TEK: variants seen among roughly 807,000 people sequenced by gnomAD.
TEK encodes TEK receptor tyrosine kinase, also known as angiopoietin-1 receptor.
Under a neutral mutation model 131.8 loss-of-function variants are expected in TEK, and 43 were observed. The observed-to-expected ratio is 0.33, with a 90% CI of 0.26 to 0.42. The LOEUF is 0.42. Ranked by LOEUF, TEK falls within the 10% of genes least tolerant of loss-of-function variation. The pLI is 1.00. For synonymous variants in TEK, 580 were observed against 491.6 expected (o/e 1.18, Z -2.38); for missense variants, 1,162 against 1,384.4 (o/e 0.84, Z 2.55).
At position 27,129,204 on chromosome 9, in the gene TEK, G is replaced by A. The variant is rs117035742; in HGVS notation, c.52+19562G>A. 6.2e-3 allele frequency among the ~76,000 whole-genome samples: 937 copies of A among 152,160 alleles called. 4 individuals carry two copies. The highest frequency in any genetic ancestry group is 9.6e-3 in the Non-Finnish European group (652 of 67,980). ...GCATGAAAGGGTGTTGAATTTTGTC[G>A]GAGGACTTTTCTGCATGTATTGAGA... On this transcript the variant is annotated intron_variant, in intron 1 of 22. Coordinates refer to ENST00000380036, the MANE Select transcript of TEK (RefSeq NM_000459.5).
intron 19 of TEK, 105 bp downstream of exon 19, chr9:27,217,863 A>T (rs989837589): frequency 1.0e-6 from 1 of 965,482 alleles, no homozygotes; most frequent in Non-Finnish European, 1.6e-6. Flanking sequence ...GCTCTCGGGA[A>T]CAAAGGTAAC....
chr9:27,222,532 G>A (rs992826115), intron 21 of TEK, among the ~76,000 whole-genome samples: 2 of 152,162 alleles, frequency 1.3e-5, no homozygotes, highest in Non-Finnish European at 2.9e-5. Context: ...GAAACCCTAC[G>A]AGCCAGAAGA....
intron 21 of TEK, among the ~76,000 whole-genome samples, chr9:27,226,592 GA>G (rs1055361647): frequency 1.3e-5 from 2 of 152,044 alleles, no homozygotes; most frequent in Non-Finnish European, 2.9e-5. Context: ...GGGGCTAGGG[GA>G]GGGATAGCAT....
intron 9 of TEK, 65 bp downstream of exon 9, chr9:27,185,694 C>G: frequency 6.3e-7 from 1 of 1,599,342 alleles, no homozygotes; most frequent in Non-Finnish European, 8.6e-7. Context: ...ATTGCTGCTT[C>G]TAGACAGAAA....
At chr9:27,220,014 A>G (rs1455561830) in intron 20 of TEK, 35 bp from the exon 21 acceptor site, 1 of 1,603,482 alleles carries the variant, frequency 6.2e-7, no homozygotes, top group Non-Finnish European at 8.5e-7. Context: ...TTTTCATGCC[A>G]GAGAGGACTT....
chr9:27,205,970 G>A (rs1564097266), intron 14 of TEK, among the ~76,000 whole-genome samples: 2 of 108,658 alleles, frequency 1.8e-5, no homozygotes, highest in African/African-American at 3.0e-5. Flanking sequence ...GGTTGGGAGT[G>A]CTGAGCCTGT....
At chr9:27,173,834 G>A (rs1171058598) in intron 6 of TEK, among the ~76,000 whole-genome samples, 2 of 149,132 alleles carry the variant, frequency 1.3e-5, no homozygotes, top group Non-Finnish European at 3.0e-5. Context: ...GGAGGCTGAG[G>A]CAGGAGGATC....
intron 21 of TEK, among the ~76,000 whole-genome samples, chr9:27,221,744 A>G (rs1183642310): frequency 2.0e-5 from 3 of 152,224 alleles, no homozygotes; most frequent in African/African-American, 7.2e-5. Context: ...CCTCCACACC[A>G]AAACCTCATC....
intron 1 of TEK, 128 bp from the exon 2 acceptor site, chr9:27,157,703 A>G (rs1314767723): frequency 3.5e-6 from 4 of 1,127,298 alleles, no homozygotes; most frequent in East Asian, 4.7e-5. Flanking sequence ...AGATAGGCAC[A>G]TGGTCAGAAT....
chr9:27,161,575 C>T (rs1823548921), intron 2 of TEK, among the ~76,000 whole-genome samples: 1 of 152,350 alleles, frequency 6.6e-6, no homozygotes, highest in South Asian at 2.1e-4. Context: ...TTTATTACCA[C>T]TACGCTACCC....
chr9:27,196,186 C>T (rs1825001987), intron 11 of TEK, among the ~76,000 whole-genome samples: 1 of 152,224 alleles, frequency 6.6e-6, no homozygotes, highest in Non-Finnish European at 1.5e-5. Context: ...TCCTATCCTT[C>T]ACCATTGTAG....
chr9:27,203,614 G>A (rs1825299029), intron 13 of TEK, among the ~76,000 whole-genome samples: 2 of 152,194 alleles, frequency 1.3e-5, no homozygotes, highest in South Asian at 4.1e-4. Context: ...GCTAGATAGA[G>A]ATCCTCTCTG....
At chr9:27,209,718 G>A (rs1825534128) in intron 16 of TEK, among the ~76,000 whole-genome samples, 1 of 152,228 alleles carries the variant, frequency 6.6e-6, no homozygotes. Context: ...ATGCGATAGT[G>A]CTTTGTTTTT....
chr9:27,155,673 C>T (rs949966472), intron 1 of TEK, among the ~76,000 whole-genome samples: 2 of 152,150 alleles, frequency 1.3e-5, no homozygotes, highest in African/African-American at 4.8e-5. Flanking sequence ...TAGCCTTAAA[C>T]GCTCAGCAGT....
At chr9:27,228,445 AC>A in intron 22 of TEK, 140 bp downstream of exon 22, 1 of 691,572 alleles carries the variant, frequency 1.4e-6, no homozygotes, top group South Asian at 1.6e-5. Flanking sequence ...ATGTCCCTCC[AC>A]CCCCGCGACT....
intron 1 of TEK, among the ~76,000 whole-genome samples, chr9:27,148,387 A>G (rs895502840): frequency 1.3e-5 from 2 of 152,244 alleles, no homozygotes; most frequent in South Asian, 4.1e-4. Context: ...GGCATCCAAA[A>G]CATAATGGTA....
chr9:27,144,484 C>A (rs1450744305), intron 1 of TEK, among the ~76,000 whole-genome samples: 1 of 152,154 alleles, frequency 6.6e-6, no homozygotes, highest in African/African-American at 2.4e-5. Flanking sequence ...AACGAATGCG[C>A]ATAGGCCTCC....
intron 22 of TEK, among the ~76,000 whole-genome samples, chr9:27,228,946 C>G (rs989659560): frequency 6.6e-6 from 1 of 152,126 alleles, no homozygotes; most frequent in Non-Finnish European, 1.5e-5. Context: ...ACTGAGGATA[C>G]AGTATGAAAT....
rs186813481 is a variant in TEK, at chr9:27,167,443, G to A, written c.365-1052G>A. 2.2e-3 allele frequency among the ~76,000 whole-genome samples: 340 copies of A among 152,172 alleles called. 2 individuals are homozygous for A. Among genetic ancestry groups the A allele is most frequent in the Middle Eastern group, 0.014 (4 of 294 alleles). ...GGGTTTTGCCATGTTGGCCAGGCTC[G>A]TCTCGAACTCCTGACCTCAAGTGAT... On this transcript the variant is annotated intron_variant, in intron 2 of 22. Coordinates refer to ENST00000380036, the MANE Select transcript of TEK (RefSeq NM_000459.5).
Sources: allele counts gnomAD v4.1 joint callset (sites outside exome capture counted in the v4.1 genomes callset), GRCh38; gene constraint gnomAD v4.1.1; transcripts MANE v1.5; gene names NCBI Gene and HGNC (gene_info 2026-07-23, HGNC 2026-07-21).